BUB1B: variants seen among roughly 807,000 people sequenced by gnomAD.
BUB1B encodes BUB1 mitotic checkpoint serine/threonine kinase B.
Under a neutral mutation model 137.7 loss-of-function variants are expected in BUB1B, and 86 were observed. That is an observed-to-expected ratio of 0.62 (90% CI 0.52 to 0.75). The LOEUF (loss-of-function observed/expected upper bound fraction) is 0.75. Among genes scored for constraint, BUB1B ranks in the 30% least tolerant of loss-of-function variants. The pLI, the probability that BUB1B is intolerant of heterozygous loss-of-function variation, is 0.00. For missense variants in BUB1B, 1,130 were observed against 1,236.9 expected (o/e 0.91, Z 1.30); for synonymous variants, 420 against 417.9 (o/e 1.00, Z -0.06).
In BUB1B at chr15:40,206,411, A is replaced by G. The variant is rs756495311; in HGVS notation, c.1962A>G (p.Thr654=). ...LDVKTSEDQQ[T]ACGTIYSQTL... ...TAAAGACCTCTGAGGACCAGCAGAC[A>G]GCTTGTGGCACTATCTACAGTCAGA... is the stretch of plus-strand genomic sequence containing the variant. The change falls in exon 15 of 23, where the codon ACA becomes ACG. Residue 654 remains threonine, a synonymous_variant. Transcript: ENST00000287598. The G allele has an allele frequency of 6.2e-7, 1 of 1,614,226 alleles. No homozygotes were observed. Among genetic ancestry groups the G allele is most frequent in the Non-Finnish European group, 8.5e-7 (1 of 1,180,034 alleles).
At chr15:40,199,769 A>G (rs2037542081) in intron 10 of BUB1B, 42 bp downstream of exon 10, 1 of 1,362,126 alleles carries the variant, frequency 7.3e-7, no homozygotes, top group Non-Finnish European at 1.0e-6. Flanking sequence ...AATTTATTGA[A>G]ACAAATTTAA....
chr15:40,220,158 G>A (rs767747944), intron 22 of BUB1B, among the ~76,000 whole-genome samples: 4 of 152,204 alleles, frequency 2.6e-5, no homozygotes, highest in Admixed American at 6.5e-5. Context: ...TCAAGCTTAC[G>A]ATTATCAGAG....
intron 4 of BUB1B, among the ~76,000 whole-genome samples, chr15:40,175,424 G>A (rs766926058): frequency 7.2e-5 from 11 of 152,058 alleles, no homozygotes; most frequent in Non-Finnish European, 1.3e-4. Flanking sequence ...TAAAAATAAT[G>A]GTTAAGTGTA....
rs1404888722 is a variant in BUB1B, at chr15:40,170,612, T to C, written c.315T>C (p.Ala105=). ...ATATGTCAACGTTATTAGAAAGAGC[T>C]GTAGAAGCACTACAAGGAGAAAAAC... ...ESNMSTLLER[A]VEALQGEKRY... is the part of the protein sequence containing the mutation. Residue 105 remains alanine, a synonymous_variant, in exon 4 of 23, where the codon GCT becomes GCC. Coordinates refer to ENST00000287598, the MANE Select transcript of BUB1B (RefSeq NM_001211.6). The C allele has an allele frequency of 6.2e-7, 1 of 1,613,360 alleles. No individual in the cohort carries two copies. Among genetic ancestry groups the C allele is most frequent in the African/African-American group, 1.3e-5 (1 of 75,036 alleles).
At chr15:40,220,525 A>G (rs374196224) in intron 22 of BUB1B, 39 bp from the exon 23 acceptor site, 33 of 1,600,622 alleles carry the variant, frequency 2.1e-5, no homozygotes, top group Non-Finnish European at 2.7e-5. Flanking sequence ...TAATTTTCAT[A>G]TGCCTAATCT....
chr15:40,165,838 T>G (rs1337118108), intron 2 of BUB1B, among the ~76,000 whole-genome samples: 1 of 151,776 alleles, frequency 6.6e-6, no homozygotes, highest in Non-Finnish European at 1.5e-5. Context: ...ACTATTCTTA[T>G]TCATCTCTTT....
chr15:40,182,096 C>T (rs888442618), intron 5 of BUB1B, among the ~76,000 whole-genome samples: 2 of 152,128 alleles, frequency 1.3e-5, no homozygotes, highest in East Asian at 1.9e-4. Flanking sequence ...CTCAGCTACT[C>T]GGGAGGCTGA....
chr15:40,206,033 T>C (rs2037632168), intron 14 of BUB1B, 151 bp from the exon 15 acceptor site: 3 of 731,504 alleles, frequency 4.1e-6, no homozygotes, highest in African/African-American at 3.6e-5. Flanking sequence ...GTTTACTGTG[T>C]TCATGATATA....
At chr15:40,192,913 A>G (rs578001604) in intron 8 of BUB1B, among the ~76,000 whole-genome samples, 22 of 152,330 alleles carry the variant, frequency 1.4e-4, no homozygotes, top group African/African-American at 5.1e-4. Context: ...GTACAGTAGC[A>G]TGATCCTGGC....
At chr15:40,205,970 A>G (rs1265029811) in intron 14 of BUB1B, among the ~76,000 whole-genome samples, 2 of 152,204 alleles carry the variant, frequency 1.3e-5, no homozygotes, top group Admixed American at 6.5e-5. Context: ...CCATTGCCCA[A>G]TATTTTTCTT....
chr15:40,213,551 T>C (rs1448448716), intron 20 of BUB1B, 77 bp downstream of exon 20: 5 of 1,537,234 alleles, frequency 3.3e-6, no homozygotes, highest in Non-Finnish European at 4.5e-6. Context: ...TTTTTCTTTT[T>C]TGAGGCGAGG....
intron 4 of BUB1B, among the ~76,000 whole-genome samples, chr15:40,173,726 C>A (rs2037192375): frequency 6.6e-6 from 1 of 152,162 alleles, no homozygotes; most frequent in Non-Finnish European, 1.5e-5. Context: ...CGGGTATAGA[C>A]AACCATCAAA....
intron 5 of BUB1B, among the ~76,000 whole-genome samples, chr15:40,183,318 C>G (rs1443698058): frequency 6.6e-6 from 1 of 152,132 alleles, no homozygotes; most frequent in Non-Finnish European, 1.5e-5. Flanking sequence ...GAAAAAGAGA[C>G]ACAGTGATAA....
intron 20 of BUB1B, among the ~76,000 whole-genome samples, chr15:40,216,551 A>ATATATATATATATATATATAC (rs2037787023): frequency 9.5e-6 from 1 of 105,570 alleles, no homozygotes; most frequent in Non-Finnish European, 1.8e-5. Flanking sequence ...TATATACTAT[A>ATATATATATATATATATATAC]TATATATATA....
chr15:40,191,356 T>C (rs2037435467), intron 8 of BUB1B, among the ~76,000 whole-genome samples: 2 of 152,246 alleles, frequency 1.3e-5, no homozygotes, highest in Admixed American at 1.3e-4. Flanking sequence ...CTTTTATGTA[T>C]TCTAGATACA....
At chr15:40,171,144 C>T (rs1042647762) in intron 4 of BUB1B, among the ~76,000 whole-genome samples, 1 of 152,056 alleles carries the variant, frequency 6.6e-6, no homozygotes, top group Admixed American at 6.5e-5. Context: ...TCTCTGTTAC[C>T]CAGGCTGGTC....
chr15:40,169,515 T>A (rs2037136491), intron 2 of BUB1B, among the ~76,000 whole-genome samples: 1 of 152,034 alleles, frequency 6.6e-6, no homozygotes, highest in South Asian at 2.1e-4. Context: ...GTATTAATAC[T>A]ACTTTTCTGT....
intron 20 of BUB1B, among the ~76,000 whole-genome samples, chr15:40,217,254 T>G (rs2037805728): frequency 1.3e-5 from 2 of 152,236 alleles, no homozygotes; most frequent in African/African-American, 4.8e-5. Flanking sequence ...GATAAATGTT[T>G]AATGGTGGCC....
chr15:40,208,667 A>T lies in BUB1B; in HGVS notation c.2040A>T (p.Thr680=). The change falls in exon 16 of 23, where the codon ACA becomes ACT. Residue 680 remains threonine, a synonymous_variant. Coordinates refer to ENST00000287598, the MANE Select transcript of BUB1B (RefSeq NM_001211.6). ...SPIIEDSREA[T]HSSGFSGSSA... ...TTATTGAAGACAGTCGTGAAGCCAC[A>T]CACTCCTCTGGCTTCTCTGGTTCTT... The T allele has an allele frequency of 1.2e-6, 2 of 1,613,996 alleles. No homozygotes were observed. The highest frequency in any genetic ancestry group is 1.7e-6 in the Non-Finnish European group (2 of 1,179,886).
Sources: allele counts gnomAD v4.1 joint callset (sites outside exome capture counted in the v4.1 genomes callset), GRCh38; gene constraint gnomAD v4.1.1; transcripts MANE v1.5; gene names NCBI Gene and HGNC (gene_info 2026-07-23, HGNC 2026-07-21).